DNAH9: variants seen among roughly 807,000 people sequenced by gnomAD.
DNAH9 encodes dynein axonemal heavy chain 9, also known as DNAH9 variant protein.
Under a neutral mutation model 471.6 loss-of-function variants are expected in DNAH9, and 345 were observed. The ratio of observed to expected loss-of-function variants is 0.73; its 90% CI spans 0.67 to 0.80. The LOEUF is 0.80. DNAH9 is among the 30% of genes least tolerant of loss of function. The pLI is 0.00. For missense variants in DNAH9, 5,407 were observed against 5,609.2 expected (o/e 0.96, Z 1.15); for synonymous variants, 2,093 against 2,123.6 (o/e 0.99, Z 0.40).
In DNAH9 at chr17:11,834,726, G is replaced by A; in HGVS notation, c.9335G>A (p.Gly3112Asp). Residue 3112 changes from glycine (G) to aspartate (D), a missense_variant, in exon 49 of 69, where the codon GGT becomes GAT. Physicochemically the swap from Gly to Asp is moderately conservative, Grantham distance 94. Transcript: ENST00000262442. ...EDADKLIQVV[G>D]VETDKVSREK... The stretch of plus-strand genomic sequence containing the variant: ...GCAGACAAACTGATTCAGGTCGTGG[G>A]TGTGGAGACTGACAAAGTGAGCAGA... The A allele has an allele frequency of 6.2e-7, 1 of 1,614,134 alleles. No individual in the cohort carries two copies. Among genetic ancestry groups the A allele is most frequent in the Non-Finnish European group, 8.5e-7 (1 of 1,180,008 alleles).
chr17:11,839,630 A>G (rs550094634), intron 49 of DNAH9, among the ~76,000 whole-genome samples: 2 of 152,160 alleles, frequency 1.3e-5, no homozygotes, highest in Non-Finnish European at 2.9e-5. Flanking sequence ...TCCTATAATA[A>G]TTTGGAGTGT....
chr17:11,610,872 C>G (rs1406042990), intron 3 of DNAH9, among the ~76,000 whole-genome samples: 1 of 152,130 alleles, frequency 6.6e-6, no homozygotes, highest in African/African-American at 2.4e-5. Context: ...TCTAACTTAT[C>G]TGCTCCCTTC....
chr17:11,886,947 G>A lies in DNAH9; in HGVS notation c.11094G>A (p.Met3698Ile), dbSNP rs774124596. ...IMNDLSKIHPMYQFSLKAFSI... is the reference protein window; with the variant it reads ...IMNDLSKIHPIYQFSLKAFSI... ...ACGACCTCAGCAAGATCCATCCAAT[G>A]TACCAGTTTTCTCTCAAGGTGACTT... Residue 3698 changes from methionine to isoleucine, a missense_variant, in exon 57 of 69, where the codon ATG (methionine) becomes ATA (isoleucine). Transcript: ENST00000262442. 2 of 1,609,974 alleles carry A rather than the reference G, an allele frequency of 1.2e-6. No homozygotes were observed. Among genetic ancestry groups the A allele is most frequent in the Non-Finnish European group, 1.7e-6 (2 of 1,178,182 alleles).
At chr17:11,608,371 A>T (rs1442731986) in intron 2 of DNAH9, 46 bp downstream of exon 2, 1 of 1,394,570 alleles carries the variant, frequency 7.2e-7, no homozygotes, top group Non-Finnish European at 9.9e-7. Context: ...GATATGGGAG[A>T]TGCTGGTTAT....
intron 49 of DNAH9, among the ~76,000 whole-genome samples, chr17:11,840,811 C>T (rs1262932242): frequency 6.6e-6 from 1 of 152,048 alleles, no homozygotes; most frequent in Non-Finnish European, 1.5e-5. Context: ...GCCAAGGAAT[C>T]GGACAACCTC....
At chr17:11,936,369 C>T (rs762868525) in intron 65 of DNAH9, among the ~76,000 whole-genome samples, 2 of 152,162 alleles carry the variant, frequency 1.3e-5, no homozygotes, top group Non-Finnish European at 2.9e-5. Flanking sequence ...GTGGCTCCCG[C>T]CTGTAATCCC....
At chr17:11,682,482 T>C (rs1289535222) in intron 19 of DNAH9, among the ~76,000 whole-genome samples, 2 of 151,096 alleles carry the variant, frequency 1.3e-5, no homozygotes, top group East Asian at 3.9e-4. Flanking sequence ...TATCATTCAT[T>C]CTTCAAACAT....
At chr17:11,864,025 G>A (rs988136434) in intron 50 of DNAH9, among the ~76,000 whole-genome samples, 49 of 151,040 alleles carry the variant, frequency 3.2e-4, no homozygotes, top group African/African-American at 1.1e-3. Flanking sequence ...ATTTCCTTCA[G>A]TTCTGCTCTG....
At chr17:11,768,770 G>T in intron 37 of DNAH9, 144 bp downstream of exon 37, 1 of 1,001,456 alleles carries the variant, frequency 1.0e-6, no homozygotes, top group Non-Finnish European at 1.4e-6. Context: ...TTGCAGAGGA[G>T]ATGATGGGTG....
intron 14 of DNAH9, among the ~76,000 whole-genome samples, chr17:11,664,091 A>G (rs2073823788): frequency 6.6e-6 from 1 of 152,194 alleles, no homozygotes; most frequent in Non-Finnish European, 1.5e-5. Context: ...ATAACTGGAA[A>G]GTTGCTGTAA....
chr17:11,728,150 G>C (rs796856075), intron 28 of DNAH9, among the ~76,000 whole-genome samples: 43 of 152,214 alleles, frequency 2.8e-4, no homozygotes, highest in African/African-American at 9.9e-4. Context: ...TTGGGACTCT[G>C]TTTCGTTCTC....
At chr17:11,616,352 G>T (rs117859054) in intron 4 of DNAH9, among the ~76,000 whole-genome samples, 2,489 of 152,272 alleles carry the variant, frequency 0.016, 50 homozygotes, top group South Asian at 0.031. Context: ...TGAATGCAGA[G>T]CTTCATCCGC....
intron 59 of DNAH9, among the ~76,000 whole-genome samples, chr17:11,897,640 G>C (rs1243678815): frequency 1.3e-5 from 2 of 152,216 alleles, no homozygotes; most frequent in African/African-American, 4.8e-5. Flanking sequence ...CACAGGCTCT[G>C]GAGTCAGACA....
intron 68 of DNAH9, among the ~76,000 whole-genome samples, chr17:11,966,996 T>C (rs529591601): frequency 7.1e-6 from 1 of 140,054 alleles, no homozygotes; most frequent in South Asian, 2.3e-4. Context: ...GATCATGCCA[T>C]TGCACTCCAG....
At chr17:11,938,675 T>A (rs959908933) in intron 66 of DNAH9, among the ~76,000 whole-genome samples, 5 of 152,122 alleles carry the variant, frequency 3.3e-5, no homozygotes, top group Admixed American at 3.3e-4. Context: ...CACAGCTCAC[T>A]ACAGCCTGCA....
intron 6 of DNAH9, among the ~76,000 whole-genome samples, chr17:11,627,629 G>T (rs1301447761): frequency 6.6e-6 from 1 of 151,966 alleles, no homozygotes; most frequent in Non-Finnish European, 1.5e-5. Context: ...ATCTATTTTT[G>T]AAGAAAGACT....
chr17:11,727,803 T>C lies in DNAH9; in HGVS notation c.5710-15T>C. The C allele has an allele frequency of 1.3e-6, 2 of 1,584,452 alleles. No homozygotes were observed. The highest frequency in any genetic ancestry group is 1.7e-6 in the Non-Finnish European group (2 of 1,152,948). ...TGGCCCGTTGGTAATTTAATCTTTG[T>C]GCATTTTCTTGCAGTCTTGTGGCAA... On this transcript the variant is annotated splice_polypyrimidine_tract_variant and intron_variant, in intron 27 of 68. Coordinates refer to ENST00000262442, the MANE Select transcript of DNAH9 (RefSeq NM_001372.4).
At chr17:11,613,633 A>G (rs535806441) in intron 4 of DNAH9, among the ~76,000 whole-genome samples, 1 of 152,320 alleles carries the variant, frequency 6.6e-6, no homozygotes, top group Non-Finnish European at 1.5e-5. Context: ...AAATTGTTTG[A>G]GGGTAATAGC....
At chr17:11,782,247 G>A (rs1249514529) in intron 39 of DNAH9, among the ~76,000 whole-genome samples, 1 of 152,166 alleles carries the variant, frequency 6.6e-6, no homozygotes, top group Non-Finnish European at 1.5e-5. Context: ...AAGCTAACTA[G>A]TTTTACTTTA....
Sources: allele counts gnomAD v4.1 joint callset (sites outside exome capture counted in the v4.1 genomes callset), GRCh38; gene constraint gnomAD v4.1.1; transcripts MANE v1.5; gene names NCBI Gene and HGNC (gene_info 2026-07-23, HGNC 2026-07-21).